Variants in NTMT1 observed in about 807,000 individuals in gnomAD.
NTMT1 encodes the protein N-terminal RCC1 methyltransferase.
NTMT1 carries 8 observed loss-of-function variants against 17.5 expected under a neutral mutation model. That is an observed-to-expected ratio of 0.46 (90% CI 0.27 to 0.82). NTMT1 has a LOEUF of 0.82. NTMT1 is among the 40% of genes least tolerant of loss of function. NTMT1 has a pLI of 0.15. For synonymous variants in NTMT1, 128 were observed against 126.8 expected (o/e 1.01, Z -0.06); for missense variants, 221 against 303.5 (o/e 0.73, Z 2.02).
chr9:129,615,333 G>A, intron 1 of NTMT1: 1 of 826,696 alleles, frequency 1.2e-6, no homozygotes. Context: ...ATCCTCCAAG[G>A]AGGCCAGTTC....
chr9:129,619,987 G>A (rs980792791), intron 1 of NTMT1: 92 of 1,470,734 alleles, frequency 6.3e-5, no homozygotes, highest in Non-Finnish European at 8.2e-5. Context: ...GGGTGGTGGG[G>A]TGGTGGGTGC....
chr9:129,626,946 G>C (rs1830929223), intron 1 of NTMT1, among the ~76,000 whole-genome samples: 1 of 152,246 alleles, frequency 6.6e-6, no homozygotes, highest in African/African-American at 2.4e-5. Flanking sequence ...GGTGTCAGAG[G>C]CCCTGACAGC....
At position 129,614,827 on chromosome 9, in the gene NTMT1, G is replaced by A. The variant is rs979497169; in HGVS notation, c.-55+5649G>A. Among the ~76,000 whole-genome samples, 53 of 152,182 alleles carry A rather than the reference G, an allele frequency of 3.5e-4. No individual in the cohort carries two copies. Among genetic ancestry groups the A allele is most frequent in the South Asian group, 8.3e-4 (4 of 4,828 alleles). ...TGAGGCAGGAGAATGGCATGAACCC[G>A]GGAGGTGGAGCTTGCAGCGAGCCGA... On this transcript the variant is annotated intron_variant, in intron 1 of 3. Transcript: ENST00000372486. The surrounding 1 kb of genome is among the most constrained non-coding windows in gnomAD (Gnocchi z 4.4).
At position 129,634,251 on chromosome 9, in the gene NTMT1, G is replaced by GGACTTCACCCCGGAGCCGGACTCTTAC; in HGVS notation, c.364_390dup (p.Phe122_Asp130dup). 2 of 1,613,924 alleles carry GGACTTCACCCCGGAGCCGGACTCTTAC rather than the reference G, an allele frequency of 1.2e-6. No homozygotes were observed. Among genetic ancestry groups the GGACTTCACCCCGGAGCCGGACTCTTAC allele is most frequent in the Non-Finnish European group, 1.7e-6 (2 of 1,179,914 alleles). ...GGAACTACTTCTGTTGTGGGCTCCA[G>GGACTTCACCCCGGAGCCGGACTCTTAC]GACTTCACCCCGGAGCCGGACTCTT... On this transcript the variant is annotated inframe_insertion, in exon 3 of 4. Transcript: ENST00000372483.
chr9:129,612,148 A>G, intron 1 of NTMT1: 2 of 565,810 alleles, frequency 3.5e-6, no homozygotes, highest in Non-Finnish European at 6.4e-6. Context: ...CCCACCCCTC[A>G]GCCTCATCCT....
intron 1 of NTMT1, among the ~76,000 whole-genome samples, chr9:129,612,853 G>A (rs1830156635): frequency 6.6e-6 from 1 of 152,072 alleles, no homozygotes; most frequent in South Asian, 2.1e-4. Flanking sequence ...GAGGAGAGGG[G>A]AGGGGAGGGG....
chr9:129,609,569 C>G (rs1290208141), intron 1 of NTMT1, among the ~76,000 whole-genome samples: 1 of 151,518 alleles, frequency 6.6e-6, no homozygotes, highest in Non-Finnish European at 1.5e-5. Flanking sequence ...CCACCCCACC[C>G]CCGCCAGCCC....
Position 129,632,739 on chromosome 9 carries a change from C to T in NTMT1, c.36C>T (p.Phe12=), listed in dbSNP as rs201367062. The T allele has an allele frequency of 5.1e-5, 83 of 1,614,042 alleles. No homozygotes were observed. The highest frequency in any genetic ancestry group is 6.8e-5 in the Non-Finnish European group (80 of 1,180,030). ...AGGTGATAGAAGACGAGAAGCAATT[C>T]TATTCCAAGGCCAAGACCTACTGGA... ...TSEVIEDEKQ[F]YSKAKTYWKQ... Residue 12 remains phenylalanine (F), a synonymous_variant, in exon 2 of 4, where the codon TTC becomes TTT. Transcript: ENST00000372483.
At chr9:129,621,097 TAG>T (rs1250455983) in intron 1 of NTMT1, among the ~76,000 whole-genome samples, 1 of 152,222 alleles carries the variant, frequency 6.6e-6, no homozygotes, top group Non-Finnish European at 1.5e-5. Context: ...TCACCGCTGG[TAG>T]AGAGAGCACT....
chr9:129,612,363 T>C, intron 1 of NTMT1: 1 of 1,613,776 alleles, frequency 6.2e-7, no homozygotes, highest in Non-Finnish European at 8.5e-7. Context: ...CTTATCTGGC[T>C]GCAGTGTTGC....
intron 1 of NTMT1, among the ~76,000 whole-genome samples, chr9:129,632,189 C>T (rs1831202964): frequency 1.3e-5 from 2 of 152,176 alleles, no homozygotes; most frequent in South Asian, 4.1e-4. Flanking sequence ...GGGCTCACAC[C>T]CGTAATCCCA....
In NTMT1 at chr9:129,620,667, T is replaced by C; in HGVS notation, c.-55+11489T>C. Reference sequence around the variant, plus strand: ...GAGGGCATAGTCCAGCCCCAGGCCATAGTGCCCCGGGCGGGGCAGCGCGGT... The same window carrying C: ...GAGGGCATAGTCCAGCCCCAGGCCACAGTGCCCCGGGCGGGGCAGCGCGGT... On this transcript the variant is annotated intron_variant, in intron 1 of 3. Transcript: ENST00000372486. The surrounding 1 kb of genome is among the most constrained non-coding windows in gnomAD (Gnocchi z 5.8). The C allele has an allele frequency of 8.6e-7, 1 of 1,162,422 alleles. No homozygotes were observed. Among genetic ancestry groups the C allele is most frequent in the Middle Eastern group, 3.3e-4 (1 of 3,054 alleles). 72.0% of individuals were successfully genotyped at this position (1,162,422 alleles called of 1,614,324 possible). A position where few individuals can be genotyped will look rare whatever the true frequency, so the allele number is the denominator to read the frequency against.
chr9:129,628,192 C>G (rs546188294), intron 1 of NTMT1, among the ~76,000 whole-genome samples: 1 of 152,230 alleles, frequency 6.6e-6, no homozygotes, highest in Admixed American at 6.5e-5. Context: ...GCTGACTGAC[C>G]TTGCTGTTCC....
upstream of NTMT1, among the ~76,000 whole-genome samples, chr9:129,623,823 C>CTTTTT (rs746654555): frequency 1.9e-3 from 207 of 107,790 alleles, 26 homozygotes; most frequent in East Asian, 2.1e-3. Flanking sequence ...TTTTTCTTTT[C>CTTTTT]TTTTCTTTTT....
chr9:129,612,296 GCTC>G (rs1564331134), intron 1 of NTMT1: 3 of 1,476,250 alleles, frequency 2.0e-6, no homozygotes, highest in Admixed American at 1.7e-5. Context: ...AAGGAAGGAC[GCTC>G]CTCATTGCCT....
chr9:129,610,029 T>C (rs1392572604), intron 1 of NTMT1, among the ~76,000 whole-genome samples: 1 of 148,444 alleles, frequency 6.7e-6, no homozygotes, highest in African/African-American at 2.5e-5. Context: ...CCTGTGTGTG[T>C]CTCGGGGTGC....
intron 1 of NTMT1, among the ~76,000 whole-genome samples, chr9:129,628,251 C>T (rs1239282866): frequency 2.0e-5 from 3 of 152,192 alleles, no homozygotes; most frequent in East Asian, 1.9e-4. Flanking sequence ...CTGGACACCA[C>T]GAGGCAAAAT....
In NTMT1 at chr9:129,620,192, C is replaced by T. The variant is rs1385967275; in HGVS notation, c.-55+11014C>T. ...GGGGTCCTCCCTGGCCACGCGCCTC[C>T]GGGGGCGCTCGCGCTCTCCAGGCCC... On this transcript the variant is annotated intron_variant, in intron 1 of 3. Coordinates refer to the NTMT1 transcript ENST00000372486. The surrounding 1 kb of genome is among the most constrained non-coding windows in gnomAD (Gnocchi z 5.8). 5.5e-6 allele frequency: 8 copies of T among 1,447,734 alleles called. No homozygotes were observed. The highest frequency in any genetic ancestry group is 7.3e-6 in the Non-Finnish European group (8 of 1,096,772). 89.7% of individuals were successfully genotyped at this position (1,447,734 alleles called of 1,614,324 possible).
intron 1 of NTMT1, among the ~76,000 whole-genome samples, chr9:129,611,206 A>T (rs1830108036): frequency 6.6e-6 from 1 of 152,160 alleles, no homozygotes; most frequent in Non-Finnish European, 1.5e-5. Context: ...ACAAGGCGCC[A>T]GGGTGTGGAT....
Sources: gnomAD v4.1 joint callset for allele counts (sites outside exome capture counted in the v4.1 genomes callset) on GRCh38, gnomAD v4.1.1 for gene constraint, Gnocchi (gnomAD v3.1) non-coding constraint, MANE v1.5 for transcripts, NCBI Gene and HGNC (gene_info 2026-07-23, HGNC 2026-07-21) for gene names.